Variants in ZNF254 observed in about 807,000 individuals in gnomAD.
ZNF254 encodes zinc finger protein 254.
In ZNF254, 10 loss-of-function variants were observed where a neutral mutation model predicts 12.4. The ratio of observed to expected loss-of-function variants is 0.80; its 90% CI spans 0.50 to 1.36. The LOEUF is 1.36. Ranked by LOEUF, ZNF254 falls within the 40% of genes most tolerant of loss-of-function variation. ZNF254 has a pLI of 0.00. For missense variants in ZNF254, 996 were observed against 763.9 expected (o/e 1.30, Z -3.58); for synonymous variants, 305 against 253.4 (o/e 1.20, Z -1.93).
intron 2 of ZNF254, among the ~76,000 whole-genome samples, chr19:24,065,101 T>G (rs895611276): frequency 2.0e-5 from 3 of 152,300 alleles, no homozygotes; most frequent in African/African-American, 7.2e-5. Flanking sequence ...GTTGGAAGGC[T>G]TCTGCCTGAG....
intron 3 of ZNF254, among the ~76,000 whole-genome samples, chr19:24,108,632 CAT>C (rs1293234963): frequency 6.6e-6 from 1 of 152,144 alleles, no homozygotes; most frequent in African/African-American, 2.4e-5. Flanking sequence ...CTGGTTCTCT[CAT>C]AAAGGCATTT....
rs572031519 is a variant in ZNF254, at chr19:24,069,468, G to A, written c.-94+23189G>A. Among the ~76,000 whole-genome samples, 9 of 150,400 alleles carry A rather than the reference G, an allele frequency of 6.0e-5. No homozygotes were observed. In the East Asian group the frequency reaches 8.0e-4, roughly 13 times the overall value. On this transcript the variant is annotated intron_variant, in intron 2 of 4. Coordinates refer to the ZNF254 transcript ENST00000613065. The stretch of plus-strand genomic sequence containing the variant: ...CTAAAAATATAAGAACTCTCCAGGC[G>A]TGGTGGCGGGTGTCTAATCCCAGCT...
At chr19:24,074,239 A>G (rs1971580380) in intron 2 of ZNF254, among the ~76,000 whole-genome samples, 1 of 152,202 alleles carries the variant, frequency 6.6e-6, no homozygotes, top group Non-Finnish European at 1.5e-5. Context: ...TTATTCTACC[A>G]GGTCCCTGCA....
intron 3 of ZNF254, among the ~76,000 whole-genome samples, chr19:24,119,971 T>C (rs910549125): frequency 6.6e-6 from 1 of 152,082 alleles, no homozygotes; most frequent in African/African-American, 2.4e-5. Context: ...AATATTATCT[T>C]CATAATCCTC....
intron 1 of ZNF254, among the ~76,000 whole-genome samples, chr19:24,093,119 G>GT (rs1474491062): frequency 1.3e-5 from 2 of 152,098 alleles, no homozygotes; most frequent in East Asian, 1.9e-4. Flanking sequence ...TCTTTTTCAA[G>GT]TTTTTTGTCT....
intron 2 of ZNF254, among the ~76,000 whole-genome samples, chr19:24,049,214 A>ATATATATATATTT (rs1160333151): frequency 2.4e-3 from 97 of 40,762 alleles, no homozygotes; most frequent in Non-Finnish European, 2.9e-3. Context: ...ATATATATAT[A>ATATATATATATTT]TTTTTTTTTT....
intron 1 of ZNF254, among the ~76,000 whole-genome samples, chr19:24,036,226 C>T (rs1163302851): frequency 2.7e-5 from 4 of 145,714 alleles, no homozygotes; most frequent in African/African-American, 1.1e-4. Flanking sequence ...CCATGCTCGG[C>T]TAAATTTTTT....
intron 2 of ZNF254, among the ~76,000 whole-genome samples, chr19:24,054,473 A>G (rs1970765430): frequency 6.6e-6 from 1 of 152,210 alleles, no homozygotes; most frequent in South Asian, 2.1e-4. Flanking sequence ...TATGAAGGTC[A>G]TAAAGAATTG....
intron 1 of ZNF254, among the ~76,000 whole-genome samples, chr19:24,102,884 G>A (rs979030106): frequency 6.6e-6 from 1 of 151,996 alleles, no homozygotes; most frequent in Non-Finnish European, 1.5e-5. Context: ...TTTATTCCAT[G>A]CATTTTAAAA....
chr19:24,113,119 C>G (rs1020015932), intron 3 of ZNF254, among the ~76,000 whole-genome samples: 3 of 152,180 alleles, frequency 2.0e-5, no homozygotes, highest in Non-Finnish European at 4.4e-5. Flanking sequence ...GGAACTGATA[C>G]CATTCCTTCT....
intron 3 of ZNF254, among the ~76,000 whole-genome samples, chr19:24,124,926 A>G (rs978672605): frequency 1.3e-5 from 2 of 152,044 alleles, no homozygotes; most frequent in Non-Finnish European, 2.9e-5. Flanking sequence ...CTGGGATTAC[A>G]GGCATGCACC....
chr19:24,089,650 C>T (rs1426070155), intron 1 of ZNF254, among the ~76,000 whole-genome samples: 3 of 151,928 alleles, frequency 2.0e-5, no homozygotes, highest in Non-Finnish European at 2.9e-5. Context: ...TTGAGTGTAG[C>T]GTCCCAAGTG....
At chr19:24,106,983 T>C in intron 3 of ZNF254, 1 of 443,064 alleles carries the variant, frequency 2.3e-6, no homozygotes, top group Non-Finnish European at 3.9e-6. Flanking sequence ...TATGTTAAAC[T>C]GTTTTTTAAG....
At chr19:24,091,369 C>T (rs1293116095) in intron 1 of ZNF254, among the ~76,000 whole-genome samples, 1 of 151,844 alleles carries the variant, frequency 6.6e-6, no homozygotes, top group East Asian at 1.9e-4. Context: ...GAATACATTT[C>T]CACAAAACAA....
rs780470163 is a variant in ZNF254, at chr19:24,126,558, A to T, written c.558A>T (p.Lys186Asn). 11 of 1,604,172 alleles carry T rather than the reference A, an allele frequency of 6.9e-6. No individual in the cohort carries two copies. Among genetic ancestry groups the T allele is most frequent in the African/African-American group, 5.4e-5 (4 of 74,264 alleles). The change falls in exon 4 of 4, where the codon AAA (lysine) becomes AAT (asparagine). Residue 186 changes from lysine (K) to asparagine (N), a missense_variant. Lys to Asn is a moderately conservative substitution (Grantham distance 94). Coordinates refer to ENST00000357002, the MANE Select transcript of ZNF254 (RefSeq NM_203282.4). ...AAAAGAAATCTTTCAAATGTAAAAAACGTGTCAAATTATTTTGCATGCTTT... is the reference window on the plus strand; with the variant it reads ...AAAAGAAATCTTTCAAATGTAAAAATCGTGTCAAATTATTTTGCATGCTTT... ...HTEKKSFKCK[K>N]RVKLFCMLSH...
At chr19:24,079,004 G>C (rs1971755408) in intron 2 of ZNF254, 1 of 152,144 alleles carries the variant, frequency 6.6e-6, no homozygotes. Context: ...GGTACGCATG[G>C]AAAAGCAGCA....
rs115524049 is a variant in ZNF254, at chr19:24,036,553, G to A, written c.-190+2932G>A. Among the ~76,000 whole-genome samples, 450 of 152,268 alleles carry A rather than the reference G, an allele frequency of 3.0e-3. 1 individual carries two copies. Among genetic ancestry groups the A allele is most frequent in the African/African-American group, 0.01 (435 of 41,558 alleles). On this transcript the variant is annotated intron_variant, in intron 1 of 4. Transcript: ENST00000613065. The stretch of plus-strand genomic sequence containing the variant: ...GTAGGGTCTATGCTGACTCAAGGAG[G>A]TATCAGAATTGAGTTATTGGACAAC...
chr19:24,121,560 T>A (rs1207105136), intron 3 of ZNF254, among the ~76,000 whole-genome samples: 1 of 152,192 alleles, frequency 6.6e-6, no homozygotes, highest in Non-Finnish European at 1.5e-5. Flanking sequence ...GTTATCTTTT[T>A]TAAATTTTTT....
At chr19:24,077,266 T>G (rs555467604) in intron 2 of ZNF254, among the ~76,000 whole-genome samples, 6 of 152,302 alleles carry the variant, frequency 3.9e-5, no homozygotes, top group South Asian at 4.1e-4. Context: ...CTCTTGACTT[T>G]CTAAAATGTA....
Sources: allele counts gnomAD v4.1 joint callset (sites outside exome capture counted in the v4.1 genomes callset), GRCh38; gene constraint gnomAD v4.1.1; transcripts MANE v1.5; gene names NCBI Gene and HGNC (gene_info 2026-07-23, HGNC 2026-07-21).